Variants in ETNK1 observed in about 807,000 individuals in gnomAD.
The protein encoded by ETNK1 is ethanolamine kinase 1, also known as putative protein product of Nbla10396.
In ETNK1, 8 loss-of-function variants were observed where a neutral mutation model predicts 45.1. The ratio of observed to expected loss-of-function variants is 0.18; its 90% CI spans 0.10 to 0.32. The LOEUF is 0.32. Among genes scored for constraint, ETNK1 ranks in the 10% least tolerant of loss-of-function variants. The pLI is 1.00. For missense variants in ETNK1, 302 were observed against 430.6 expected (o/e 0.70, Z 2.64); for synonymous variants, 152 against 151.9 (o/e 1.00, Z -0.01).
Position 22,644,015 on chromosome 12 carries a change from AT to A in ETNK1, c.413del (p.Phe138SerfsTer3). Reference protein sequence around the residue: ...LDPKHVCNPAIFRLIARQLAK... With the variant: ...LDPKHVCNPAXFRLIARQLAK... ...TCCAAAGCATGTCTGCAACCCAGCC[AT>A]TTTCAGGTACATTTTCTTTTCTGAA... On this transcript the variant is annotated frameshift_variant, in exon 2 of 8. Coordinates refer to ENST00000266517, the MANE Select transcript of ETNK1 (RefSeq NM_018638.5). LOFTEE classifies it high-confidence loss of function. 6.3e-7 allele frequency: 1 copy of A among 1,584,770 alleles called. No individual in the cohort carries two copies. The highest frequency in any genetic ancestry group is 1.8e-5 in the Admixed American group (1 of 56,472).
At chr12:22,657,597 A>G (rs991285555) in intron 2 of ETNK1, among the ~76,000 whole-genome samples, 3 of 140,452 alleles carry the variant, frequency 2.1e-5, no homozygotes, top group African/African-American at 4.9e-5. Flanking sequence ...CCAGGGGGAA[A>G]ATTTTCCTAA....
At chr12:22,643,609 T>A (rs918221994) in intron 1 of ETNK1, among the ~76,000 whole-genome samples, 154 bp from the exon 2 acceptor site, 1 of 152,120 alleles carries the variant, frequency 6.6e-6, no homozygotes, top group Non-Finnish European at 1.5e-5. Flanking sequence ...AAATTATAGA[T>A]GTTAGATAAA....
At chr12:22,682,298 T>C (rs1430363870) in intron 6 of ETNK1, 2 of 496,490 alleles carry the variant, frequency 4.0e-6, no homozygotes, top group South Asian at 3.0e-5. Flanking sequence ...ACTTGAATTT[T>C]ATCATTGGCA....
chr12:22,683,076 T>C (rs1954228277), intron 6 of ETNK1, among the ~76,000 whole-genome samples: 1 of 152,200 alleles, frequency 6.6e-6, no homozygotes, highest in Non-Finnish European at 1.5e-5. Flanking sequence ...TAGGTACTAT[T>C]ATGACCTACA....
At chr12:22,649,883 A>G (rs1474855992) in intron 2 of ETNK1, among the ~76,000 whole-genome samples, 2 of 152,100 alleles carry the variant, frequency 1.3e-5, no homozygotes, top group Non-Finnish European at 2.9e-5. Flanking sequence ...CTGAATCTGT[A>G]TATCAAATTG....
chr12:22,680,924 G>A (rs1954209710), intron 6 of ETNK1, among the ~76,000 whole-genome samples: 1 of 132,486 alleles, frequency 7.5e-6, no homozygotes, highest in Non-Finnish European at 1.6e-5. Context: ...TGCACACTGG[G>A]GATTTATTTT....
chr12:22,658,641 TG>T, intron 2 of ETNK1, among the ~76,000 whole-genome samples: 1 of 152,230 alleles, frequency 6.6e-6, no homozygotes, highest in East Asian at 1.9e-4. Flanking sequence ...AAATACAGCA[TG>T]GGCAAGTGGG....
chr12:22,661,268 A>G, intron 4 of ETNK1, 63 bp downstream of exon 4: 1 of 1,384,554 alleles, frequency 7.2e-7, no homozygotes, highest in Non-Finnish European at 9.8e-7. Context: ...TGGTCATTTT[A>G]TCTCTATATC....
intron 1 of ETNK1, 55 bp downstream of exon 1, chr12:22,625,641 G>C (rs529729460): frequency 1.3e-6 from 2 of 1,517,264 alleles, no homozygotes; most frequent in East Asian, 2.4e-5. Context: ...GGCTCTGGGG[G>C]TCCTCACCAC....
intron 1 of ETNK1, among the ~76,000 whole-genome samples, chr12:22,632,786 G>C (rs1008657312): frequency 6.6e-6 from 1 of 152,136 alleles, no homozygotes. Context: ...ACAGGTGTGA[G>C]CCACTGTGCC....
intron 2 of ETNK1, among the ~76,000 whole-genome samples, chr12:22,645,990 G>A (rs1953803012): frequency 1.3e-5 from 2 of 151,804 alleles, no homozygotes; most frequent in African/African-American, 2.4e-5. Context: ...CAGCTGGCTT[G>A]TAATAAGTGA....
intron 4 of ETNK1, among the ~76,000 whole-genome samples, chr12:22,668,610 ATTG>A (rs1414949762): frequency 6.6e-6 from 1 of 152,116 alleles, no homozygotes; most frequent in Non-Finnish European, 1.5e-5. Context: ...TAGGTATGCC[ATTG>A]TTGCTGCCAT....
At chr12:22,665,042 T>C (rs1267050851) in intron 4 of ETNK1, among the ~76,000 whole-genome samples, 3 of 152,148 alleles carry the variant, frequency 2.0e-5, no homozygotes, top group Non-Finnish European at 4.4e-5. Flanking sequence ...TACTAGAAAA[T>C]CTCTAACTCT....
At chr12:22,630,216 AC>A (rs1953556974) in intron 1 of ETNK1, among the ~76,000 whole-genome samples, 2 of 152,230 alleles carry the variant, frequency 1.3e-5, no homozygotes, top group African/African-American at 4.8e-5. Flanking sequence ...TCAATGAAAT[AC>A]CTACAATTAC....
At chr12:22,672,107 A>T (rs1399362213) in intron 5 of ETNK1, among the ~76,000 whole-genome samples, 1 of 152,044 alleles carries the variant, frequency 6.6e-6, no homozygotes, top group Non-Finnish European at 1.5e-5. Context: ...GGCTTTTGGA[A>T]TATTAGTTCA....
intron 1 of ETNK1, among the ~76,000 whole-genome samples, chr12:22,633,609 A>AT (rs1953612283): frequency 6.6e-6 from 1 of 152,202 alleles, no homozygotes; most frequent in Admixed American, 6.5e-5. Context: ...TTTTGATTAT[A>AT]TTTTGTGGAA....
At chr12:22,625,894 C>T (rs1204659324) in intron 1 of ETNK1, 3 of 628,832 alleles carry the variant, frequency 4.8e-6, no homozygotes, top group South Asian at 3.0e-5. Flanking sequence ...CCCCAGTCCA[C>T]GGTCACTGCA....
intron 4 of ETNK1, among the ~76,000 whole-genome samples, chr12:22,664,500 C>A (rs1954035614): frequency 6.6e-6 from 1 of 151,910 alleles, no homozygotes; most frequent in African/African-American, 2.4e-5. Flanking sequence ...CTATGAGCAC[C>A]CTGCAATTTG....
At chr12:22,660,194 A>G in intron 3 of ETNK1, among the ~76,000 whole-genome samples, 1 of 152,112 alleles carries the variant, frequency 6.6e-6, no homozygotes, top group East Asian at 1.9e-4. Context: ...AGTAATGTAA[A>G]AAGAATCTGT....
Sources: gnomAD v4.1 joint callset for allele counts (sites outside exome capture counted in the v4.1 genomes callset) on GRCh38, gnomAD v4.1.1 for gene constraint, MANE v1.5 for transcripts, NCBI Gene and HGNC (gene_info 2026-07-23, HGNC 2026-07-21) for gene names.